The following NUP210L variants were observed in gnomAD, a reference collection of about 807,000 sequenced individuals.
The protein encoded by NUP210L is nuclear pore membrane glycoprotein 210-like.
NUP210L carries 74 observed loss-of-function variants against 208.5 expected under a neutral mutation model. The ratio of observed to expected loss-of-function variants is 0.35; its 90% CI spans 0.29 to 0.43. NUP210L has a LOEUF of 0.43. Among genes scored for constraint, NUP210L ranks in the 20% least tolerant of loss-of-function variants. NUP210L has a pLI of 1.00. For missense variants in NUP210L, 1,843 were observed against 2,289.4 expected (o/e 0.81, Z 3.98); for synonymous variants, 780 against 816.9 (o/e 0.95, Z 0.77).
intron 16 of NUP210L, 72 bp downstream of exon 16, chr1:154,089,349 A>G (rs1655783549): frequency 1.5e-6 from 2 of 1,303,550 alleles, no homozygotes; most frequent in East Asian, 4.7e-5. Flanking sequence ...TACCCCAAAG[A>G]ATTCCAGACT....
chr1:154,072,428 G>A (rs1446780159), intron 16 of NUP210L, among the ~76,000 whole-genome samples: 6 of 149,866 alleles, frequency 4.0e-5, no homozygotes, highest in Non-Finnish European at 8.9e-5. Context: ...CACCTCCCGG[G>A]TTCATGCCAT....
At chr1:154,055,018 G>A (rs560670051) in intron 23 of NUP210L, among the ~76,000 whole-genome samples, 186 bp from the exon 24 acceptor site, 1 of 151,750 alleles carries the variant, frequency 6.6e-6, no homozygotes, top group Admixed American at 6.6e-5. Context: ...CTCCGGCTTT[G>A]GCCTCCTGAG....
exon 25 of NUP210L, chr1:154,054,336 A>C: frequency 6.2e-7 from 1 of 1,614,174 alleles, no homozygotes; most frequent in Non-Finnish European, 8.5e-7. Context: ...TCCTATTAAC[A>C]ACAGCCACGG....
At chr1:154,122,082 T>A (rs1489298956) in intron 10 of NUP210L, among the ~76,000 whole-genome samples, 9 of 152,040 alleles carry the variant, frequency 5.9e-5, no homozygotes, top group Admixed American at 5.9e-4. Context: ...AAATGACCAA[T>A]ATCAGGAATT....
chr1:154,013,062 C>T (rs1206380082), intron 33 of NUP210L, among the ~76,000 whole-genome samples: 3 of 143,932 alleles, frequency 2.1e-5, no homozygotes, highest in Non-Finnish European at 4.5e-5. Context: ...TGGCTCAGAG[C>T]GAGACTCCAA....
At chr1:153,996,631 G>C (rs371103041) in intron 37 of NUP210L, among the ~76,000 whole-genome samples, 1 of 152,050 alleles carries the variant, frequency 6.6e-6, no homozygotes, top group Non-Finnish European at 1.5e-5. Flanking sequence ...ATTTTGGCCA[G>C]GCTGGCCTCA....
chr1:154,135,970 C>T, exon 7 of NUP210L: 1 of 1,596,228 alleles, frequency 6.3e-7, no homozygotes, highest in South Asian at 1.1e-5. Flanking sequence ...GGAAATTTCA[C>T]CTCTGTAAGA....
chr1:154,070,284 G>T, exon 17 of NUP210L: 1 of 1,598,826 alleles, frequency 6.3e-7, no homozygotes, highest in South Asian at 1.1e-5. Flanking sequence ...ATGTAACCGG[G>T]TCTGCCCACT....
At chr1:154,043,624 C>T (rs1411539270) in intron 27 of NUP210L, among the ~76,000 whole-genome samples, 4 of 142,908 alleles carry the variant, frequency 2.8e-5, no homozygotes, top group Non-Finnish European at 6.1e-5. Context: ...CCACTGCACC[C>T]GGCCTTTTTT....
intron 17 of NUP210L, among the ~76,000 whole-genome samples, chr1:154,070,031 T>C (rs1051656743): frequency 3.9e-5 from 6 of 151,976 alleles, no homozygotes; most frequent in Admixed American, 2.0e-4. Flanking sequence ...GCGGGGAACA[T>C]CACACACCAG....
intron 12 of NUP210L, among the ~76,000 whole-genome samples, chr1:154,114,985 A>C (rs1057402318): frequency 3.9e-5 from 6 of 152,094 alleles, no homozygotes; most frequent in Admixed American, 3.3e-4. Flanking sequence ...TCCCTGCTCA[A>C]TCAAATCGGA....
chr1:154,105,984 G>A (rs1301888059), intron 12 of NUP210L, among the ~76,000 whole-genome samples: 4 of 152,124 alleles, frequency 2.6e-5, no homozygotes, highest in Non-Finnish European at 5.9e-5. Context: ...AAGGGGGCTG[G>A]GTGCGGTGGC....
intron 33 of NUP210L, among the ~76,000 whole-genome samples, chr1:154,017,520 T>G (rs964364584): frequency 5.2e-5 from 2 of 38,256 alleles, no homozygotes; most frequent in African/African-American, 2.3e-4. Context: ...TCTTTCTTTC[T>G]TTTTTTTTTT....
chr1:154,049,994 A>G (rs1205518371), intron 25 of NUP210L, among the ~76,000 whole-genome samples: 1 of 152,200 alleles, frequency 6.6e-6, no homozygotes, highest in Non-Finnish European at 1.5e-5. Flanking sequence ...AAATTTTCAC[A>G]GTATTACATT....
intron 23 of NUP210L, 101 bp from the exon 24 acceptor site, chr1:154,054,933 C>T (rs1468526792): frequency 1.2e-5 from 9 of 757,646 alleles, no homozygotes; most frequent in African/African-American, 3.5e-5. Context: ...CAGAGTCTTG[C>T]TCTGTTGCCC....
chr1:154,142,367 T>A (rs905591488), intron 3 of NUP210L, among the ~76,000 whole-genome samples: 1 of 152,104 alleles, frequency 6.6e-6, no homozygotes, highest in African/African-American at 2.4e-5. Flanking sequence ...ATTTTTTTTT[T>A]ACTACCTAAG....
chr1:154,143,496 T>A, exon 3 of NUP210L: 2 of 1,614,060 alleles, frequency 1.2e-6, no homozygotes, highest in Non-Finnish European at 8.5e-7. Context: ...ATCATCTACA[T>A]AAAGTTCCCG....
At chr1:154,012,841 TA>T (rs200093972) in intron 33 of NUP210L, among the ~76,000 whole-genome samples, 2 of 150,606 alleles carry the variant, frequency 1.3e-5, no homozygotes, top group African/African-American at 2.4e-5. Context: ...CCGCCTCTAC[TA>T]AAAAAAACAC....
At chr1:154,001,114 C>T (rs1650185054) in intron 36 of NUP210L, 54 bp from the exon 37 acceptor site, 2 of 1,415,404 alleles carry the variant, frequency 1.4e-6, no homozygotes, top group African/African-American at 1.4e-5. Context: ...AACTTTGTAT[C>T]AGTATGTTCC....
Sources: allele counts gnomAD v4.1 joint callset (sites outside exome capture counted in the v4.1 genomes callset), GRCh38; gene constraint gnomAD v4.1.1; transcripts MANE v1.5; gene names NCBI Gene and HGNC (gene_info 2026-07-23, HGNC 2026-07-21).